HCLS1: variants seen among roughly 807,000 people sequenced by gnomAD.
HCLS1 encodes hematopoietic lineage cell-specific protein.
HCLS1 carries 44 observed loss-of-function variants against 68.6 expected under a neutral mutation model. The observed-to-expected ratio is 0.64, with a 90% confidence interval of 0.50 to 0.82. The LOEUF is 0.82. Ranked by LOEUF, HCLS1 falls within the 40% of genes least tolerant of loss-of-function variation. The pLI is 0.00. For synonymous variants in HCLS1, 217 were observed against 225.8 expected, an observed-to-expected ratio of 0.96 and a Z score of 0.35; for missense variants, 602 against 612.1, an observed-to-expected ratio of 0.98 and a Z score of 0.17.
At chr3:121,639,166 C>A (rs1264300430) in intron 6 of HCLS1, among the ~76,000 whole-genome samples, 1 of 151,970 alleles carries the variant, frequency 6.6e-6, no homozygotes, top group Non-Finnish European at 1.5e-5. Context: ...TAGGCAAAAA[C>A]GAATCAGTAA....
chr3:121,660,502 C>T (rs1043588498), intron 1 of HCLS1, among the ~76,000 whole-genome samples: 9 of 152,144 alleles, frequency 5.9e-5, no homozygotes, highest in African/African-American at 2.2e-4. Context: ...CTCCTGTGGT[C>T]CTCCTCCCAG....
chr3:121,654,925 A>G (rs1194519714), intron 3 of HCLS1, among the ~76,000 whole-genome samples: 2 of 152,142 alleles, frequency 1.3e-5, no homozygotes, highest in African/African-American at 4.8e-5. Context: ...GAGACTTACT[A>G]CTGGAAAGTC....
intron 6 of HCLS1, among the ~76,000 whole-genome samples, chr3:121,640,658 C>T (rs2049188471): frequency 6.6e-6 from 1 of 151,466 alleles, no homozygotes; most frequent in Non-Finnish European, 1.5e-5. Context: ...GATGTGGTGG[C>T]TCATGCCTGT....
At chr3:121,639,010 AACAC>A (rs56054727) in intron 6 of HCLS1, among the ~76,000 whole-genome samples, 73 of 149,392 alleles carry the variant, frequency 4.9e-4, no homozygotes, top group Middle Eastern at 3.4e-3. Context: ...GCAAGACTCC[AACAC>A]ACACACACAC....
At chr3:121,644,095 G>GA (rs2107468419) in intron 5 of HCLS1, 1 of 153,172 alleles carries the variant, frequency 6.5e-6, no homozygotes, top group Admixed American at 6.5e-5. Flanking sequence ...TAAAAACAAA[G>GA]AAAAAATCTC....
intron 6 of HCLS1, among the ~76,000 whole-genome samples, chr3:121,641,541 G>A (rs1046861543): frequency 6.6e-6 from 1 of 152,032 alleles, no homozygotes; most frequent in Non-Finnish European, 1.5e-5. Context: ...ATTTTTGTGG[G>A]GTTTATAAGA....
At chr3:121,659,247 TC>T (rs1467096861) in intron 1 of HCLS1, among the ~76,000 whole-genome samples, 2 of 152,176 alleles carry the variant, frequency 1.3e-5, no homozygotes, top group Non-Finnish European at 2.9e-5. Context: ...TAGACGGCCT[TC>T]CGGACTGTGC....
At chr3:121,642,868 C>T in intron 6 of HCLS1, 59 bp downstream of exon 6, 1 of 1,313,364 alleles carries the variant, frequency 7.6e-7, no homozygotes, top group Non-Finnish European at 1.1e-6. Flanking sequence ...AAGATAAAGT[C>T]TTAGCAGAAG....
At chr3:121,647,666 G>C (rs917159101) in intron 3 of HCLS1, among the ~76,000 whole-genome samples, 40 of 152,244 alleles carry the variant, frequency 2.6e-4, no homozygotes, top group African/African-American at 9.6e-4. Context: ...ATTTCCTCTA[G>C]TCTGTTATTT....
chr3:121,632,443 C>G lies in HCLS1; in HGVS notation c.1129G>C (p.Asp377His), dbSNP rs755927429. 1.2e-6 allele frequency: 2 copies of G among 1,613,834 alleles called. No individual in the cohort carries two copies. The highest frequency in any genetic ancestry group is 3.3e-5 in the Admixed American group (2 of 59,992). ...EPEPEPEPEN[D>H]YEDVEEMDRH... ...TCCATCTCCTCAACGTCCTCATAGT[C>G]ATTCTCAGGCTCGGGCTCAGGCTCG... Residue 377 changes from aspartate (D) to histidine (H), a missense_variant, in exon 12 of 14, where the codon GAC becomes CAC. Coordinates refer to ENST00000314583, the MANE Select transcript of HCLS1 (RefSeq NM_005335.6).
intron 3 of HCLS1, among the ~76,000 whole-genome samples, chr3:121,653,406 T>C (rs919795082): frequency 6.6e-6 from 1 of 152,238 alleles, no homozygotes; most frequent in African/African-American, 2.4e-5. Context: ...TTCACTTTTC[T>C]GTGAAATCAG....
At chr3:121,655,823 CATTTATTT>C (rs58817111) in intron 3 of HCLS1, among the ~76,000 whole-genome samples, 1,990 of 137,878 alleles carry the variant, frequency 0.014, 51 homozygotes, top group African/African-American at 0.046. Context: ...TAATTGAAAC[CATTTATTT>C]ATTTATTTAT....
chr3:121,646,623 T>C (rs1169363574), intron 4 of HCLS1, among the ~76,000 whole-genome samples: 3 of 115,318 alleles, frequency 2.6e-5, no homozygotes, highest in African/African-American at 1.0e-4. Flanking sequence ...TTATATATTA[T>C]ATATTATAAG....
At chr3:121,653,092 A>T (rs770929849) in intron 3 of HCLS1, among the ~76,000 whole-genome samples, 1 of 152,208 alleles carries the variant, frequency 6.6e-6, no homozygotes, top group Non-Finnish European at 1.5e-5. Context: ...GACGAGACCC[A>T]TGTGTAAACA....
intron 6 of HCLS1, 40 bp downstream of exon 6, chr3:121,642,887 G>A (rs1250714928): frequency 5.3e-6 from 8 of 1,521,802 alleles, no homozygotes; most frequent in East Asian, 2.3e-5. Context: ...AGAGCCTGCC[G>A]GTCAGATTGC....
intron 9 of HCLS1, among the ~76,000 whole-genome samples, 169 bp downstream of exon 9, chr3:121,635,566 G>T (rs780436169): frequency 1.3e-5 from 2 of 152,012 alleles, no homozygotes; most frequent in Non-Finnish European, 2.9e-5. Context: ...TGTGAGCTCC[G>T]CCTTACCTGG....
At chr3:121,659,712 T>TTACTACCC (rs1937950535) in intron 1 of HCLS1, among the ~76,000 whole-genome samples, 1 of 152,148 alleles carries the variant, frequency 6.6e-6, no homozygotes, top group Non-Finnish European at 1.5e-5. Context: ...CCTTACTACC[T>TTACTACCC]GCATCCTTAC....
Position 121,655,837 on chromosome 3 carries a change from T to C in HCLS1, c.158+1442A>G, listed in dbSNP as rs1043725164. On this transcript the variant is annotated intron_variant, in intron 3 of 13. Coordinates refer to ENST00000314583, the MANE Select transcript of HCLS1 (RefSeq NM_005335.6). Reference sequence around the variant, plus strand: ...TTAATTGAAACCATTTATTTATTTATTTATTTATTTATTTATTTATTTATT... The same window carrying C: ...TTAATTGAAACCATTTATTTATTTACTTATTTATTTATTTATTTATTTATT... Among the ~76,000 whole-genome samples the C allele has an allele frequency of 7.4e-5, 11 of 149,024 alleles. No homozygotes were observed. In the South Asian group the frequency reaches 1.9e-3, roughly 26 times the overall value.
intron 6 of HCLS1, among the ~76,000 whole-genome samples, chr3:121,642,691 G>A (rs182612873): frequency 2.6e-5 from 4 of 152,100 alleles, no homozygotes; most frequent in Admixed American, 2.6e-4. Flanking sequence ...TGGGAGGATC[G>A]CTTGAGCCCA....
Sources: allele counts gnomAD v4.1 joint callset (sites outside exome capture counted in the v4.1 genomes callset), GRCh38; gene constraint gnomAD v4.1.1; transcripts MANE v1.5; gene names NCBI Gene and HGNC (gene_info 2026-07-23, HGNC 2026-07-21).